Variants in ZRANB1 observed in about 807,000 individuals in gnomAD.
ZRANB1 encodes zinc finger RANBP2-type containing 1, also known as ubiquitin thioesterase ZRANB1.
ZRANB1 carries 16 observed loss-of-function variants against 80.5 expected under a neutral mutation model. The observed-to-expected ratio is 0.20, with a 90% CI of 0.13 to 0.30. The LOEUF (loss-of-function observed/expected upper bound fraction) is 0.30, where lower values mean the gene tolerates loss of function less well. ZRANB1 is among the 10% of genes least tolerant of loss of function. ZRANB1 has a pLI of 1.00. For missense variants in ZRANB1, 576 were observed against 862.6 expected, an observed-to-expected ratio of 0.67 and a Z score of 4.16; for synonymous variants, 291 against 293.1, an observed-to-expected ratio of 0.99 and a Z score of 0.07.
chr10:124,924,683 A>C, the ZRANB1 span, among the ~76,000 whole-genome samples: 1 of 152,142 alleles, frequency 6.6e-6, no homozygotes, highest in Non-Finnish European at 1.5e-5. Flanking sequence ...TCCATTGTAT[A>C]AACAGCATTT....
At chr10:124,984,013 A>C (rs1034955401) in intron 8 of ZRANB1, among the ~76,000 whole-genome samples, 3 of 152,108 alleles carry the variant, frequency 2.0e-5, no homozygotes, top group Non-Finnish European at 4.4e-5. Context: ...AGTGTGGTTT[A>C]AGAGGGGAAG....
At position 124,954,494 on chromosome 10, in the gene ZRANB1, C is replaced by T. The variant is rs1242428699; in HGVS notation, c.814+11187C>T. Among the ~76,000 whole-genome samples, 15 of 141,664 alleles carry T rather than the reference C, an allele frequency of 1.1e-4. No homozygotes were observed. The East Asian group carries it at 2.9e-3, about 27-fold the overall frequency. The allele number at this position is 141,664 out of a possible 152,430, so 92.9% of individuals were successfully genotyped here. A position where few individuals can be genotyped will look rare whatever the true frequency, so the allele number is the denominator to read the frequency against. On this transcript the variant is annotated intron_variant, in intron 1 of 8. Transcript: ENST00000359653. ...ACAGGGTCTTGCTCTGTTGTCCAGG[C>T]TGGAGTGTAGTGGTGTAACCTCAGC...
intron 1 of ZRANB1, among the ~76,000 whole-genome samples, chr10:124,963,265 C>CAAAAAA (rs397844792): frequency 1.6e-5 from 1 of 62,366 alleles, no homozygotes; most frequent in Non-Finnish European, 3.4e-5. Context: ...GACTCTGTCT[C>CAAAAAA]AAAAAAAAAA....
chr10:124,916,968 C>A, the ZRANB1 span, among the ~76,000 whole-genome samples: 4 of 151,984 alleles, frequency 2.6e-5, no homozygotes, highest in African/African-American at 9.7e-5. Context: ...CCTCAGTGCC[C>A]CCGCCCCCCG....
chr10:124,931,373 G>A, the ZRANB1 span, among the ~76,000 whole-genome samples: 9 of 152,038 alleles, frequency 5.9e-5, no homozygotes, highest in African/African-American at 1.2e-4. Flanking sequence ...AATACTCTCC[G>A]TTATTATTAT....
the ZRANB1 span, among the ~76,000 whole-genome samples, chr10:124,935,663 C>T: frequency 2.6e-5 from 4 of 152,322 alleles, no homozygotes; most frequent in African/African-American, 9.6e-5. Context: ...TGTTCAGTTG[C>T]TGCCATGGAG....
chr10:124,923,006 C>A, the ZRANB1 span, among the ~76,000 whole-genome samples: 1 of 151,968 alleles, frequency 6.6e-6, no homozygotes, highest in African/African-American at 2.4e-5. Context: ...AAAGAACTAT[C>A]AGCCGGGCGC....
intron 1 of ZRANB1, among the ~76,000 whole-genome samples, chr10:124,956,858 G>C (rs1209130759): frequency 6.6e-6 from 1 of 152,134 alleles, no homozygotes; most frequent in East Asian, 1.9e-4. Flanking sequence ...CTTTGACCTA[G>C]ATTTTCCAGT....
At chr10:124,964,606 T>C (rs1436246006) in intron 1 of ZRANB1, among the ~76,000 whole-genome samples, 1 of 152,206 alleles carries the variant, frequency 6.6e-6, no homozygotes, top group African/African-American at 2.4e-5. Flanking sequence ...TATATACACA[T>C]AAATTGTACA....
intron 2 of ZRANB1, among the ~76,000 whole-genome samples, chr10:124,969,248 T>C (rs572025635): frequency 1.3e-5 from 2 of 152,184 alleles, no homozygotes; most frequent in Non-Finnish European, 2.9e-5. Flanking sequence ...ATACCATTAC[T>C]TTTGCTGTAT....
chr10:124,938,611 C>T (rs1951508387), upstream of ZRANB1, among the ~76,000 whole-genome samples: 1 of 152,084 alleles, frequency 6.6e-6, no homozygotes, highest in Non-Finnish European at 1.5e-5. Flanking sequence ...GGCGTGAGCA[C>T]CTAGCCACTC....
the ZRANB1 span, among the ~76,000 whole-genome samples, chr10:124,929,924 A>G: frequency 6.7e-6 from 1 of 148,780 alleles, no homozygotes; most frequent in Admixed American, 6.7e-5. Flanking sequence ...CAGCCTGGGC[A>G]ACAGAGCGAG....
the ZRANB1 span, among the ~76,000 whole-genome samples, chr10:124,936,884 C>T: frequency 3.3e-5 from 5 of 152,044 alleles, no homozygotes; most frequent in Non-Finnish European, 5.9e-5. Flanking sequence ...TATTAATAAG[C>T]TAATAATTAT....
At chr10:124,952,204 C>A (rs571815797) in intron 1 of ZRANB1, among the ~76,000 whole-genome samples, 1 of 152,072 alleles carries the variant, frequency 6.6e-6, no homozygotes, top group African/African-American at 2.4e-5. Flanking sequence ...TGCCACCTTA[C>A]GTGGCAAAAG....
the ZRANB1 span, among the ~76,000 whole-genome samples, chr10:124,924,107 T>C: frequency 5.9e-5 from 9 of 152,124 alleles, no homozygotes; most frequent in Non-Finnish European, 1.3e-4. Context: ...TCTTGGTACG[T>C]TACTCAGGCT....
chr10:124,984,570 T>C (rs1951990665), intron 8 of ZRANB1: 1 of 538,962 alleles, frequency 1.9e-6, no homozygotes, highest in Non-Finnish European at 3.2e-6. Context: ...TTCTGAGAAA[T>C]TTCCCATTTA....
At chr10:124,926,967 CT>C in the ZRANB1 span, among the ~76,000 whole-genome samples, 1 of 151,942 alleles carries the variant, frequency 6.6e-6, no homozygotes, top group South Asian at 2.1e-4. Flanking sequence ...CTCTTTTTTT[CT>C]TTTTTTGAGA....
chr10:124,941,370 A>G (rs1025853001), upstream of ZRANB1, among the ~76,000 whole-genome samples: 11 of 151,998 alleles, frequency 7.2e-5, no homozygotes, highest in East Asian at 2.1e-3. Flanking sequence ...TTTGGGGGGC[A>G]GGGGATGGAG....
intron 1 of ZRANB1, among the ~76,000 whole-genome samples, chr10:124,953,579 G>T (rs1350932852): frequency 3.3e-5 from 5 of 152,158 alleles, no homozygotes; most frequent in African/African-American, 1.2e-4. Flanking sequence ...CCATGGTTAG[G>T]TTACATTATT....
Sources: gnomAD v4.1 joint callset for allele counts (sites outside exome capture counted in the v4.1 genomes callset) on GRCh38, gnomAD v4.1.1 for gene constraint, MANE v1.5 for transcripts, NCBI Gene and HGNC (gene_info 2026-07-23, HGNC 2026-07-21) for gene names.